PCDH7: variants seen among roughly 807,000 people sequenced by gnomAD.
The protein encoded by PCDH7 is protocadherin-7.
PCDH7 carries 17 observed loss-of-function variants against 58.9 expected under a neutral mutation model. The ratio of observed to expected loss-of-function variants is 0.29; its 90% confidence interval spans 0.20 to 0.43. The LOEUF is 0.43. Among genes scored for constraint, PCDH7 ranks in the 20% least tolerant of loss-of-function variants. The pLI is 1.00. For missense variants in PCDH7, 1,274 were observed against 1,441.0 expected, an observed-to-expected ratio of 0.88 and a Z score of 1.88; for synonymous variants, 664 against 616.4, an observed-to-expected ratio of 1.08 and a Z score of -1.14.
At chr4:31,099,660 A>G (rs1714641828) in intron 3 of PCDH7, among the ~76,000 whole-genome samples, 1 of 152,156 alleles carries the variant, frequency 6.6e-6, no homozygotes, top group African/African-American at 2.4e-5. Flanking sequence ...TATTTTCCCT[A>G]TTTCACATAC....
At chr4:30,902,979 G>A (rs750307822) in intron 1 of PCDH7, among the ~76,000 whole-genome samples, 78 of 152,014 alleles carry the variant, frequency 5.1e-4, no homozygotes, top group Non-Finnish European at 2.6e-4. Context: ...GATAATACAT[G>A]GAGAACACTG....
Position 30,814,509 on chromosome 4 carries a change from G to A in PCDH7, c.70+89913G>A, listed in dbSNP as rs149167766. On this transcript the variant is annotated intron_variant, in intron 1 of 3. Transcript: ENST00000509759. ...TTTATTTACTTTTTCTTCTCTGAAC[G>A]TTGTTGTTGGTAATATATTTTTACC... Among the ~76,000 whole-genome samples the A allele has an allele frequency of 2.7e-3, 408 of 151,796 alleles. 1 individual carries two copies. Among genetic ancestry groups the A allele is most frequent in the African/African-American group, 9.4e-3 (388 of 41,446 alleles).
intron 3 of PCDH7, among the ~76,000 whole-genome samples, chr4:31,070,754 A>G (rs540654102): frequency 1.3e-5 from 2 of 152,222 alleles, no homozygotes; most frequent in South Asian, 4.1e-4. Context: ...AAAACAATCA[A>G]AAGAATACAT....
At chr4:30,834,452 A>T (rs1339665555) in intron 1 of PCDH7, among the ~76,000 whole-genome samples, 1 of 152,194 alleles carries the variant, frequency 6.6e-6, no homozygotes, top group Admixed American at 6.5e-5. Flanking sequence ...CGGCTGTTGC[A>T]TTAGAGAGCC....
chr4:30,959,068 T>C (rs1748134958), intron 3 of PCDH7, among the ~76,000 whole-genome samples: 1 of 152,060 alleles, frequency 6.6e-6, no homozygotes, highest in Non-Finnish European at 1.5e-5. Flanking sequence ...TACAACTTGG[T>C]ATAGAAATCA....
chr4:31,078,862 A>G (rs114745322), intron 3 of PCDH7, among the ~76,000 whole-genome samples: 1,554 of 152,096 alleles, frequency 0.01, 24 homozygotes, highest in African/African-American at 0.035. Flanking sequence ...AGATTGCACA[A>G]TGTTAGACAA....
chr4:30,848,484 T>C (rs182461982), intron 1 of PCDH7, among the ~76,000 whole-genome samples: 129 of 152,268 alleles, frequency 8.5e-4, no homozygotes, highest in African/African-American at 2.9e-3. Flanking sequence ...CTTTTTCATT[T>C]AGTTTTTATT....
intron 3 of PCDH7, among the ~76,000 whole-genome samples, chr4:31,138,735 G>A (rs763137037): frequency 6.6e-6 from 1 of 152,078 alleles, no homozygotes; most frequent in African/African-American, 2.4e-5. Context: ...ACTTTGGGAG[G>A]CCAAGGCAGG....
chr4:30,964,278 G>T, intron 3 of PCDH7, among the ~76,000 whole-genome samples: 2 of 146,814 alleles, frequency 1.4e-5, no homozygotes, highest in African/African-American at 2.5e-5. Context: ...ATCTGGCTCT[G>T]TCTCCCAGGC....
At chr4:30,989,950 C>T (rs1323355484) in intron 3 of PCDH7, among the ~76,000 whole-genome samples, 1 of 152,034 alleles carries the variant, frequency 6.6e-6, no homozygotes, top group Non-Finnish European at 1.5e-5. Context: ...ATTGACTTTT[C>T]AAAGAGTTCC....
chr4:31,083,862 C>G (rs1711950789), intron 3 of PCDH7, among the ~76,000 whole-genome samples: 1 of 152,178 alleles, frequency 6.6e-6, no homozygotes, highest in Admixed American at 6.5e-5. Flanking sequence ...CATTCCTCCC[C>G]AGTCCATTCA....
At chr4:30,973,936 C>G (rs1225323587) in intron 3 of PCDH7, among the ~76,000 whole-genome samples, 2 of 151,726 alleles carry the variant, frequency 1.3e-5, no homozygotes, top group Non-Finnish European at 2.9e-5. Context: ...TTTAGAAAAA[C>G]TAAACTTTAA....
chr4:31,069,817 T>C (rs1342406494), intron 3 of PCDH7, among the ~76,000 whole-genome samples: 1 of 99,490 alleles, frequency 1.0e-5, no homozygotes, highest in Admixed American at 1.2e-4. Context: ...ATGAGCTACT[T>C]CTTGGCTATT....
intron 3 of PCDH7, among the ~76,000 whole-genome samples, chr4:31,136,478 C>T (rs934766562): frequency 7.2e-5 from 11 of 152,260 alleles, no homozygotes; most frequent in Non-Finnish European, 8.8e-5. Flanking sequence ...AGGAATGGTA[C>T]AGATGATGCC....
At chr4:30,916,785 C>A (rs1308671318) in intron 1 of PCDH7, among the ~76,000 whole-genome samples, 1 of 152,190 alleles carries the variant, frequency 6.6e-6, no homozygotes, top group Non-Finnish European at 1.5e-5. Flanking sequence ...TACCTATGTT[C>A]TTCCTGACAA....
chr4:30,758,756 G>C (rs1203049090), intron 1 of PCDH7, among the ~76,000 whole-genome samples: 1 of 152,086 alleles, frequency 6.6e-6, no homozygotes, highest in African/African-American at 2.4e-5. Flanking sequence ...ACTGTGGATT[G>C]CTCATTGCTT....
chr4:30,819,496 A>G (rs1348436474), intron 1 of PCDH7, among the ~76,000 whole-genome samples: 2 of 152,246 alleles, frequency 1.3e-5, no homozygotes, highest in Admixed American at 1.3e-4. Flanking sequence ...AGAGTTTAAC[A>G]TTGTTGGGGG....
At chr4:31,102,900 T>C (rs1715084100) in intron 3 of PCDH7, among the ~76,000 whole-genome samples, 1 of 152,206 alleles carries the variant, frequency 6.6e-6, no homozygotes, top group Non-Finnish European at 1.5e-5. Context: ...CATTCAGTAA[T>C]ACATAACTTT....
intron 1 of PCDH7, among the ~76,000 whole-genome samples, chr4:30,832,305 A>G (rs1729906207): frequency 6.6e-6 from 1 of 152,146 alleles, no homozygotes; most frequent in Non-Finnish European, 1.5e-5. Flanking sequence ...TAGACTCCTG[A>G]AGAACTTCTT....
Sources: gnomAD v4.1 joint callset for allele counts (sites outside exome capture counted in the v4.1 genomes callset) on GRCh38, gnomAD v4.1.1 for gene constraint, MANE v1.5 for transcripts, NCBI Gene and HGNC (gene_info 2026-07-23, HGNC 2026-07-21) for gene names.